The following VWC2 variants were observed in gnomAD, a reference collection of about 807,000 sequenced individuals.
The protein encoded by VWC2 is brorin.
Under a neutral mutation model 29.8 loss-of-function variants are expected in VWC2, and 14 were observed. That is an observed-to-expected ratio of 0.47 (90% CI 0.31 to 0.74). The LOEUF (loss-of-function observed/expected upper bound fraction) is 0.74, where lower values mean the gene tolerates loss of function less well. Ranked by LOEUF, VWC2 falls within the 30% of genes least tolerant of loss-of-function variation. The pLI, the probability that VWC2 is intolerant of heterozygous loss-of-function variation, is 0.05. For synonymous variants in VWC2, 213 were observed against 199.0 expected (o/e 1.07, Z -0.59); for missense variants, 457 against 459.8 (o/e 0.99, Z 0.05).
intron 2 of VWC2, among the ~76,000 whole-genome samples, chr7:49,799,604 G>C (rs774768313): frequency 3.9e-5 from 6 of 152,236 alleles, no homozygotes; most frequent in Non-Finnish European, 2.9e-5. Flanking sequence ...CCTGATTGGC[G>C]ATCCTAATTC....
chr7:49,783,118 A>G (rs1281540610), intron 2 of VWC2, among the ~76,000 whole-genome samples: 1 of 152,166 alleles, frequency 6.6e-6, no homozygotes, highest in African/African-American at 2.4e-5. Context: ...TCCATAAAAC[A>G]TTACCTCCTC....
chr7:49,870,599 T>G (rs1242574282), intron 3 of VWC2, among the ~76,000 whole-genome samples: 4 of 152,090 alleles, frequency 2.6e-5, no homozygotes, highest in Non-Finnish European at 5.9e-5. Flanking sequence ...CGAGTAGGAT[T>G]TTCACACCTG....
chr7:49,907,875 T>A (rs1341820778), intron 3 of VWC2, among the ~76,000 whole-genome samples: 1 of 152,028 alleles, frequency 6.6e-6, no homozygotes, highest in Non-Finnish European at 1.5e-5. Flanking sequence ...GAGACCATAG[T>A]TTTGTCATGC....
chr7:49,887,727 T>A (rs1383772610), intron 3 of VWC2, among the ~76,000 whole-genome samples: 1 of 151,312 alleles, frequency 6.6e-6, no homozygotes, highest in Non-Finnish European at 1.5e-5. Flanking sequence ...AGTGTCTCCA[T>A]TTGTTGAATT....
intron 2 of VWC2, among the ~76,000 whole-genome samples, chr7:49,783,605 T>C (rs542182399): frequency 1.3e-5 from 2 of 152,310 alleles, no homozygotes; most frequent in South Asian, 4.1e-4. Flanking sequence ...TGGATCATAC[T>C]TCTCATTCTA....
chr7:49,816,807 C>T (rs532129309), intron 3 of VWC2, among the ~76,000 whole-genome samples: 1 of 152,190 alleles, frequency 6.6e-6, no homozygotes, highest in African/African-American at 2.4e-5. Flanking sequence ...CTGGCACATT[C>T]TAGCTTTATC....
At chr7:49,867,102 G>T (rs1351726218) in intron 3 of VWC2, among the ~76,000 whole-genome samples, 2 of 152,140 alleles carry the variant, frequency 1.3e-5, no homozygotes, top group East Asian at 3.9e-4. Flanking sequence ...ATGTCTCCCT[G>T]GGGGTCCTGC....
intron 2 of VWC2, among the ~76,000 whole-genome samples, chr7:49,781,109 C>G (rs939010752): frequency 6.6e-6 from 1 of 152,158 alleles, no homozygotes; most frequent in African/African-American, 2.4e-5. Flanking sequence ...TAAAATGAGT[C>G]AATCTGTGTT....
chr7:49,905,988 A>G (rs533681438), intron 3 of VWC2, among the ~76,000 whole-genome samples: 2 of 152,298 alleles, frequency 1.3e-5, no homozygotes, highest in African/African-American at 4.8e-5. Flanking sequence ...AGGAACCCTC[A>G]GTTCTGTGAA....
At chr7:49,880,313 G>C (rs73111333) in intron 3 of VWC2, among the ~76,000 whole-genome samples, 1 of 151,754 alleles carries the variant, frequency 6.6e-6, no homozygotes, top group Admixed American at 6.6e-5. Context: ...TATTTTTAAC[G>C]CATGATGCTG....
chr7:49,789,320 GGT>G lies in VWC2; in HGVS notation c.696+13197_696+13198del, dbSNP rs77380170. ...GAGCGGGTGTGTGAGTGTGGGTGTA[GGT>G]GTGTGTGGGTGCGTGTGAGTGTATA... On this transcript the variant is annotated intron_variant, in intron 2 of 3. Coordinates refer to ENST00000340652, the MANE Select transcript of VWC2 (RefSeq NM_198570.5). 6.2e-5 allele frequency among the ~76,000 whole-genome samples: 9 copies of G among 146,040 alleles called. No homozygotes were observed. The South Asian group carries it at 8.7e-4, about 14-fold the overall frequency.
At position 49,920,887 on chromosome 7, in the gene VWC2, G is replaced by GGGGAAATGTTATAGGGGA. The variant is rs2128747025; in HGVS notation, c.*8702_*8703insGGGAAATGTTATAGGGGA. ...TAGCTTTTTGTCTTCATTTCTAATAGACTGTTATAGGGGAAATGTACTAAA... is the reference window on the plus strand; with the variant it reads ...TAGCTTTTTGTCTTCATTTCTAATAGGGGAAATGTTATAGGGGAACTGTTATAGGGGAAATGTACTAAA... On this transcript the variant is annotated 3_prime_UTR_variant, in exon 4 of 4. Transcript: ENST00000340652. 1 of 152,180 alleles carries GGGGAAATGTTATAGGGGA rather than the reference G, an allele frequency of 6.6e-6. No individual in the cohort carries two copies. Among genetic ancestry groups the GGGGAAATGTTATAGGGGA allele is most frequent in the African/African-American group, 2.4e-5 (1 of 41,538 alleles). 9.4% of individuals were successfully genotyped at this position (152,180 alleles called of 1,614,324 possible). A position where few individuals can be genotyped will look rare whatever the true frequency, so the allele number is the denominator to read the frequency against.
Position 49,909,027 on chromosome 7 carries a change from A to G in VWC2, c.827-3007A>G, listed in dbSNP as rs1339135150. ...AGACTTTTGCTAGCATTTGTAGAAC[A>G]ACAGGATAGGTGAAATATAATTATC... is the stretch of plus-strand genomic sequence containing the variant. On this transcript the variant is annotated intron_variant, in intron 3 of 3. Coordinates refer to ENST00000340652, the MANE Select transcript of VWC2 (RefSeq NM_198570.5). Among the ~76,000 whole-genome samples the G allele has an allele frequency of 4.6e-5, 7 of 152,248 alleles. No homozygotes were observed. In the East Asian group the frequency reaches 1.3e-3, roughly 29 times the overall value.
At chr7:49,906,518 A>G (rs1265855632) in intron 3 of VWC2, among the ~76,000 whole-genome samples, 1 of 151,966 alleles carries the variant, frequency 6.6e-6, no homozygotes, top group African/African-American at 2.4e-5. Flanking sequence ...TTGTATTTTT[A>G]CTATAGATGG....
intron 3 of VWC2, among the ~76,000 whole-genome samples, chr7:49,842,015 C>T (rs986998325): frequency 1.3e-5 from 2 of 151,992 alleles, no homozygotes; most frequent in Non-Finnish European, 2.9e-5. Context: ...TACAGGTGCT[C>T]GCCACCACGC....
At chr7:49,818,315 A>C (rs943170891) in intron 3 of VWC2, among the ~76,000 whole-genome samples, 8 of 152,216 alleles carry the variant, frequency 5.3e-5, no homozygotes, top group African/African-American at 1.4e-4. Context: ...CTTTGACACT[A>C]ATGCATAAAT....
At chr7:49,891,779 C>T (rs983634114) in intron 3 of VWC2, among the ~76,000 whole-genome samples, 3 of 152,144 alleles carry the variant, frequency 2.0e-5, no homozygotes, top group African/African-American at 7.2e-5. Context: ...AGTTGCACAG[C>T]AAGGACACTT....
chr7:49,832,084 A>G (rs1789545193), intron 3 of VWC2, among the ~76,000 whole-genome samples: 1 of 152,196 alleles, frequency 6.6e-6, no homozygotes, highest in Admixed American at 6.5e-5. Flanking sequence ...CAGTGGGGAC[A>G]AAGCAGTTCA....
At chr7:49,896,256 G>A (rs938532964) in intron 3 of VWC2, among the ~76,000 whole-genome samples, 18 of 152,238 alleles carry the variant, frequency 1.2e-4, no homozygotes, top group African/African-American at 2.9e-4. Flanking sequence ...CACAAGAATC[G>A]CTTGAACCCA....
Sources: gnomAD v4.1 joint callset for allele counts (sites outside exome capture counted in the v4.1 genomes callset) on GRCh38, gnomAD v4.1.1 for gene constraint, MANE v1.5 for transcripts, NCBI Gene and HGNC (gene_info 2026-07-23, HGNC 2026-07-21) for gene names.